Variants in ASNS observed in about 807,000 individuals in gnomAD.
ASNS encodes the protein asparagine synthetase [glutamine-hydrolyzing].
In ASNS, 37 loss-of-function variants were observed where a neutral mutation model predicts 62.6. The ratio of observed to expected loss-of-function variants is 0.59; its 90% CI spans 0.45 to 0.78. The LOEUF (loss-of-function observed/expected upper bound fraction) is 0.78, where lower values mean the gene tolerates loss of function less well. ASNS is among the 30% of genes least tolerant of loss of function. ASNS has a pLI of 0.00. For synonymous variants in ASNS, 207 were observed against 237.9 expected, an observed-to-expected ratio of 0.87 and a Z score of 1.19; for missense variants, 520 against 682.4, an observed-to-expected ratio of 0.76 and a Z score of 2.65.
At chr7:97,922,297 T>G in the ASNS span, among the ~76,000 whole-genome samples, 1 of 151,668 alleles carries the variant, frequency 6.6e-6, no homozygotes, top group East Asian at 1.9e-4. Flanking sequence ...GCTTGGGAAG[T>G]CAAGGCTGCA....
At chr7:97,860,016 T>C (rs894492189) in intron 4 of ASNS, among the ~76,000 whole-genome samples, 8 of 152,236 alleles carry the variant, frequency 5.3e-5, no homozygotes, top group Non-Finnish European at 1.0e-4. Context: ...TGATCTTTGA[T>C]ACAAACATCA....
chr7:97,917,342 G>A, the ASNS span, among the ~76,000 whole-genome samples: 1 of 151,976 alleles, frequency 6.6e-6, no homozygotes, highest in Non-Finnish European at 1.5e-5. Context: ...GAGAAGCCAC[G>A]GCCGTGCTCA....
the ASNS span, among the ~76,000 whole-genome samples, chr7:97,878,806 T>C: frequency 6.6e-6 from 1 of 152,148 alleles, no homozygotes; most frequent in Non-Finnish European, 1.5e-5. Context: ...TTAAAGTTCA[T>C]ATGGAACCAA....
chr7:97,858,883 G>C lies in ASNS; in HGVS notation c.746C>G (p.Thr249Arg). 2 of 1,613,306 alleles carry C rather than the reference G, an allele frequency of 1.2e-6. No individual in the cohort carries two copies. Among genetic ancestry groups the C allele is most frequent in the Non-Finnish European group, 1.7e-6 (2 of 1,179,842 alleles). ...TAAAAGGCAGCCAATCCTTCTGTCT[G>C]TCATCAAACGTTTCTTTACAGCATT... Reference protein sequence around the residue: ...FNNAVKKRLMTDRRIGCLLSG... With the variant: ...FNNAVKKRLMRDRRIGCLLSG... Residue 249 changes from threonine (T) to arginine (R), a missense_variant, in exon 6 of 13, where the codon ACA (threonine) becomes AGA (arginine). By Grantham distance (71) the Thr-to-Arg change is moderately conservative (BLOSUM62 -1). Coordinates refer to ENST00000394308, the MANE Select transcript of ASNS (RefSeq NM_001673.5).
At chr7:97,864,032 C>T (rs1458218798) in intron 4 of ASNS, 6 of 468,000 alleles carry the variant, frequency 1.3e-5, no homozygotes, top group Admixed American at 1.2e-4. Context: ...CATATTAGCA[C>T]AGCAAAAAAT....
Position 97,854,440 on chromosome 7 carries a change from T to C in ASNS, c.1238+140A>G, listed in dbSNP as rs1354496585. 3 of 1,023,488 alleles carry C rather than the reference T, an allele frequency of 2.9e-6. No individual in the cohort carries two copies. In the East Asian group the frequency reaches 7.8e-5, roughly 27 times the overall value. 63.4% of individuals were successfully genotyped at this position (1,023,488 alleles called of 1,614,324 possible). ...TCATTTTCTCTATAAAAGTCACACTTTGTAACATATAGCCAACTATATGTA... is the reference window on the plus strand; with the variant it reads ...TCATTTTCTCTATAAAAGTCACACTCTGTAACATATAGCCAACTATATGTA... On this transcript the variant is annotated intron_variant, in intron 10 of 12. Coordinates refer to ENST00000394308, the MANE Select transcript of ASNS (RefSeq NM_001673.5).
At chr7:97,871,336 A>G (rs1259296672) in intron 1 of ASNS, among the ~76,000 whole-genome samples, 3 of 152,214 alleles carry the variant, frequency 2.0e-5, no homozygotes, top group Non-Finnish European at 4.4e-5. Flanking sequence ...TGGACATGGC[A>G]GTTTCAGTGC....
chr7:97,876,925 C>T (rs1792450359), upstream of ASNS, among the ~76,000 whole-genome samples: 1 of 152,018 alleles, frequency 6.6e-6, no homozygotes, highest in Admixed American at 6.6e-5. Flanking sequence ...CTAGCTGGGG[C>T]CACCAGGTAG....
At chr7:97,886,653 CAAAAAA>C in the ASNS span, among the ~76,000 whole-genome samples, 2 of 145,118 alleles carry the variant, frequency 1.4e-5, no homozygotes, top group Admixed American at 6.9e-5. Context: ...TAGTTAAAAA[CAAAAAA>C]AAAAGAAAAG....
At chr7:97,924,648 G>GAA in the ASNS span, among the ~76,000 whole-genome samples, 3 of 152,292 alleles carry the variant, frequency 2.0e-5, no homozygotes, top group East Asian at 5.8e-4. Context: ...TGGACCCTGA[G>GAA]AACCAGGGGG....
chr7:97,882,303 C>G, the ASNS span, among the ~76,000 whole-genome samples: 2 of 152,202 alleles, frequency 1.3e-5, no homozygotes, highest in African/African-American at 4.8e-5. Context: ...AATCCTAGCA[C>G]TTTCGGAAGC....
At position 97,868,519 on chromosome 7, in the gene ASNS, A is replaced by ATGTGTGTGTGTGTGTGTGTGTG. The variant is rs61611439; in HGVS notation, c.249+367_249+388dup. 3.3e-3 allele frequency among the ~76,000 whole-genome samples: 405 copies of ATGTGTGTGTGTGTGTGTGTGTG among 122,986 alleles called. 13 individuals carry two copies. The highest frequency in any genetic ancestry group is 0.03 in the Admixed American group (378 of 12,576). 80.7% of individuals were successfully genotyped at this position (122,986 alleles called of 152,430 possible). A position where few individuals can be genotyped will look rare whatever the true frequency, so the allele number is the denominator to read the frequency against. On this transcript the variant is annotated intron_variant, in intron 3 of 12. Coordinates refer to ENST00000394308, the MANE Select transcript of ASNS (RefSeq NM_001673.5). Reference sequence around the variant, plus strand: ...TACTCTCAAATGATTCAGCAAAAACATGTGTGTGTGTGTGTGTGTGTGTGT... The same window carrying ATGTGTGTGTGTGTGTGTGTGTG: ...TACTCTCAAATGATTCAGCAAAAACATGTGTGTGTGTGTGTGTGTGTGTGTGTGTGTGTGTGTGTGTGTGTGT...
chr7:97,882,137 C>T, the ASNS span, among the ~76,000 whole-genome samples: 1 of 152,140 alleles, frequency 6.6e-6, no homozygotes, highest in Non-Finnish European at 1.5e-5. Flanking sequence ...CAGGCATGAG[C>T]CACAGTGGCA....
chr7:97,873,283 C>T (rs1792363645), upstream of ASNS, among the ~76,000 whole-genome samples: 1 of 152,198 alleles, frequency 6.6e-6, no homozygotes. Flanking sequence ...TCGTATTTTA[C>T]TAATTACATC....
chr7:97,880,408 G>A, the ASNS span, among the ~76,000 whole-genome samples: 3 of 152,262 alleles, frequency 2.0e-5, no homozygotes, highest in Admixed American at 2.0e-4. Flanking sequence ...ACAGGCATAA[G>A]CCAATGCACC....
At chr7:97,855,321 G>C (rs1394389757) in intron 9 of ASNS, 32 bp downstream of exon 9, 1 of 1,419,368 alleles carries the variant, frequency 7.0e-7, no homozygotes, top group Admixed American at 1.7e-5. Context: ...TCTTAATATA[G>C]CATGAATATC....
Position 97,852,230 on chromosome 7 carries a change from T to C in ASNS, c.*29A>G. The C allele has an allele frequency of 6.2e-7, 1 of 1,610,638 alleles. No individual in the cohort carries two copies. Among genetic ancestry groups the C allele is most frequent in the Non-Finnish European group, 8.5e-7 (1 of 1,177,416 alleles). On this transcript the variant is annotated 3_prime_UTR_variant, in exon 13 of 13. Transcript: ENST00000394308. The stretch of plus-strand genomic sequence containing the variant: ...GTCCCCATCCAACACGAAGAAATAT[T>C]TGCTTTCACATTACAGCATAAAGAC...
Position 97,852,236 on chromosome 7 carries a change from T to C in ASNS, c.*23A>G, listed in dbSNP as rs1283737820. The C allele has an allele frequency of 6.2e-7, 1 of 1,612,266 alleles. No homozygotes were observed. Among genetic ancestry groups the C allele is most frequent in the Non-Finnish European group, 8.5e-7 (1 of 1,178,746 alleles). The stretch of plus-strand genomic sequence containing the variant: ...ATCCAACACGAAGAAATATTTGCTT[T>C]CACATTACAGCATAAAGACCACCTA... On this transcript the variant is annotated 3_prime_UTR_variant, in exon 13 of 13. Transcript: ENST00000394308.
rs530077200 is a variant in ASNS at position 97,865,120 on chromosome 7, TC to T, written c.250-625del. The stretch of plus-strand genomic sequence containing the variant: ...TGTGGCTGTTTGACATCATTGACCA[TC>T]ATTCCTGACTCTGAATTTATTATGC... On this transcript the variant is annotated intron_variant, in intron 3 of 12. Transcript: ENST00000394308. Among the ~76,000 whole-genome samples, 612 of 152,344 alleles carry T rather than the reference TC, an allele frequency of 4.0e-3. 9 individuals carry two copies. The highest frequency in any genetic ancestry group is 0.014 in the African/African-American group (578 of 41,576).
Sources: gnomAD v4.1 joint callset for allele counts (sites outside exome capture counted in the v4.1 genomes callset) on GRCh38, gnomAD v4.1.1 for gene constraint, MANE v1.5 for transcripts, NCBI Gene and HGNC (gene_info 2026-07-23, HGNC 2026-07-21) for gene names.